Variants in ARAP1 observed in about 807,000 individuals in gnomAD.
ARAP1 encodes ArfGAP with RhoGAP domain, ankyrin repeat and PH domain 1, also known as arf-GAP with Rho-GAP domain, ANK repeat and PH domain-containing protein 1.
A neutral mutation model predicts 172.2 loss-of-function variants in ARAP1; 76 were observed. That is an observed-to-expected ratio of 0.44 (90% CI 0.37 to 0.53). ARAP1 has a LOEUF of 0.53. Among genes scored for constraint, ARAP1 ranks in the 20% least tolerant of loss-of-function variants. The probability of loss-of-function intolerance (pLI) is 0.00; values close to 1 mark genes in which losing one functional copy is unlikely to be tolerated. For missense variants in ARAP1, 1,686 were observed against 1,977.5 expected (o/e 0.85, Z 2.80); for synonymous variants, 804 against 803.3 (o/e 1.00, Z -0.01).
intron 3 of ARAP1, among the ~76,000 whole-genome samples, chr11:72,721,536 G>A (rs1030727191): frequency 6.6e-6 from 1 of 152,306 alleles, no homozygotes; most frequent in East Asian, 1.9e-4. Context: ...CTGTGGGGCA[G>A]AGTCTGAGAA....
chr11:72,745,172 A>G (rs184064685), intron 1 of ARAP1, among the ~76,000 whole-genome samples: 37 of 146,934 alleles, frequency 2.5e-4, no homozygotes, highest in Admixed American at 1.9e-3. Context: ...ACAGCAGCCC[A>G]AGTTTCTTTC....
At chr11:72,746,423 C>T (rs938641537) in intron 1 of ARAP1, among the ~76,000 whole-genome samples, 1 of 152,244 alleles carries the variant, frequency 6.6e-6, no homozygotes, top group Non-Finnish European at 1.5e-5. Context: ...CAGCCGTCTG[C>T]ACCAACCAGG....
chr11:72,738,148 G>C (rs1858089306), intron 1 of ARAP1, among the ~76,000 whole-genome samples: 1 of 152,184 alleles, frequency 6.6e-6, no homozygotes, highest in Admixed American at 6.5e-5. Context: ...GCCATTCCAG[G>C]CAAAGGGGAC....
chr11:72,745,566 G>T (rs1858340043), intron 1 of ARAP1, among the ~76,000 whole-genome samples: 1 of 151,904 alleles, frequency 6.6e-6, no homozygotes, highest in Admixed American at 6.6e-5. Flanking sequence ...AAGGGGTGCA[G>T]AACTGGGCCC....
intron 1 of ARAP1, among the ~76,000 whole-genome samples, chr11:72,734,510 AT>A (rs1857954373): frequency 6.6e-6 from 1 of 152,216 alleles, no homozygotes; most frequent in Non-Finnish European, 1.5e-5. Flanking sequence ...TCAAACGACA[AT>A]TTGAAACAAG....
chr11:72,705,812 A>T lies in ARAP1; in HGVS notation c.1802T>A (p.Leu601His). The T allele has an allele frequency of 6.2e-7, 1 of 1,614,042 alleles. No individual in the cohort carries two copies. Among genetic ancestry groups the T allele is most frequent in the Non-Finnish European group, 8.5e-7 (1 of 1,179,964 alleles). ...KMDRKVWTETLIELFLQLGNG... is the reference protein window; with the variant it reads ...KMDRKVWTETHIELFLQLGNG... ...AAGCAGGGGCATCCCCACCTCGATA[A>T]GTGTTTCTGTCCACACCTTCCTGTC... Residue 601 changes from leucine (L) to histidine (H), a missense_variant, in exon 13 of 35, where the codon CTT (leucine) becomes CAT (histidine). Around this residue, in one of 5 missense-constraint regions of ARAP1, gnomAD observed 688 missense variants for 856.9 expected, o/e 0.80. Coordinates refer to ENST00000393609, the MANE Select transcript of ARAP1 (RefSeq NM_001040118.3).
In ARAP1 at chr11:72,693,977, T is replaced by C. The variant is rs1856055038; in HGVS notation, c.3695-172A>G. ...CCCTTCCCATGACCAAGCTTCAGGC[T>C]TGACACACCTGGCTGTGACCAAAGC... On this transcript the variant is annotated intron_variant, in intron 27 of 34. Transcript: ENST00000393609. This position sits in a 1 kb window ranked among gnomAD's most constrained non-coding sequence, Gnocchi z 4.6. Among the ~76,000 whole-genome samples, 1 of 152,076 alleles carries C rather than the reference T, an allele frequency of 6.6e-6. No homozygotes were observed. The highest frequency in any genetic ancestry group is 2.4e-5 in the African/African-American group (1 of 41,390).
chr11:72,686,076 C>A lies in ARAP1; in HGVS notation c.4301G>T (p.Arg1434Leu). The A allele has an allele frequency of 6.2e-7, 1 of 1,614,108 alleles. No individual in the cohort carries two copies. Among genetic ancestry groups the A allele is most frequent in the Non-Finnish European group, 8.5e-7 (1 of 1,180,032 alleles). Reference protein sequence around the residue: ...PLRGSENEMRRSVAAFTADPL... With the variant: ...PLRGSENEMRLSVAAFTADPL... ...GTCCGCGGTGAAGGCAGCCACACTC[C>A]GGCGCATTTCATTTTCACTACCTCG... is the stretch of plus-strand genomic sequence containing the variant. The change falls in exon 34 of 35, where the codon CGG (arginine) becomes CTG (leucine). Residue 1434 changes from arginine to leucine, a missense_variant. Physicochemically the swap from Arg to Leu is moderately radical, Grantham distance 102. Transcript: ENST00000393609.
intron 5 of ARAP1, chr11:72,712,775 G>C: frequency 1.3e-6 from 1 of 741,502 alleles, no homozygotes. Flanking sequence ...GGCAGAAACC[G>C]ACCTAGGACA....
chr11:72,747,740 C>G (rs1007940125), intron 1 of ARAP1, among the ~76,000 whole-genome samples: 1 of 152,174 alleles, frequency 6.6e-6, no homozygotes. Context: ...TAGCAGAAAC[C>G]AAACCTCCAC....
rs1856165639 is a variant in ARAP1 at position 72,695,869 on chromosome 11, G to A, written c.3273-4C>T. The A allele has an allele frequency of 6.2e-7, 1 of 1,608,990 alleles. No homozygotes were observed. The highest frequency in any genetic ancestry group is 1.7e-5 in the Admixed American group (1 of 59,678). Reference sequence around the variant, plus strand: ...CGTGTCTGAGAAGCACTGAACACTGGAGAGGGGAGGAGGAGGGCTTTGAGT... The same window carrying A: ...CGTGTCTGAGAAGCACTGAACACTGAAGAGGGGAGGAGGAGGGCTTTGAGT... On this transcript the variant is annotated splice_region_variant and splice_polypyrimidine_tract_variant and intron_variant, in intron 23 of 34. Coordinates refer to ENST00000393609, the MANE Select transcript of ARAP1 (RefSeq NM_001040118.3). The surrounding 1 kb of genome is among the most constrained non-coding windows in gnomAD (Gnocchi z 4.4).
Position 72,726,816 on chromosome 11 carries a change from T to A in ARAP1, c.313A>T (p.Thr105Ser). ...GCGGGGAGCCCCTCATCCTCTGTAG[T>A]GGTGGGCAGCGGCTCGGGTGGAGTG... is the stretch of plus-strand genomic sequence containing the variant. The part of the protein sequence containing the change: ...PATPPEPLPT[T>S]TEDEGLPAAP... The change falls in exon 3 of 35, where the codon ACT becomes TCT. Residue 105 changes from threonine (T) to serine (S), a missense_variant. Physicochemically the swap from Thr to Ser is moderately conservative, Grantham distance 58. This residue lies in a region of ARAP1 where 190 missense variants were observed against 228.6 expected (regional missense o/e 0.83). Transcript: ENST00000393609. The surrounding 1 kb of genome is among the most constrained non-coding windows in gnomAD (Gnocchi z 6.5). 1.3e-6 allele frequency: 2 copies of A among 1,560,626 alleles called. No individual in the cohort carries two copies. Among genetic ancestry groups the A allele is most frequent in the Non-Finnish European group, 1.7e-6 (2 of 1,153,344 alleles).
intron 22 of ARAP1, 117 bp downstream of exon 22, chr11:72,696,866 G>A: frequency 8.6e-7 from 1 of 1,162,108 alleles, no homozygotes; most frequent in Non-Finnish European, 1.2e-6. Flanking sequence ...AGCAGAGGCA[G>A]GCAACTGGAG....
In ARAP1 at chr11:72,685,608, T is replaced by A. The variant is rs36094095; in HGVS notation, c.*56A>T. 0.016 allele frequency: 26,424 copies of A among 1,613,434 alleles called. 250 individuals are homozygous for A. The highest frequency in any genetic ancestry group is 0.029 in the Middle Eastern group (173 of 6,062). On this transcript the variant is annotated 3_prime_UTR_variant, in exon 35 of 35. Coordinates refer to ENST00000393609, the MANE Select transcript of ARAP1 (RefSeq NM_001040118.3). ...ATCAGGCCTTGGAGCATAAGGGGTGTCTGAACAGAAGGCTTCCAGCGGCGG... is the reference window on the plus strand; with the variant it reads ...ATCAGGCCTTGGAGCATAAGGGGTGACTGAACAGAAGGCTTCCAGCGGCGG...
chr11:72,696,162 G>A (rs764286946), intron 23 of ARAP1, among the ~76,000 whole-genome samples: 3 of 152,002 alleles, frequency 2.0e-5, no homozygotes, highest in East Asian at 3.9e-4. Flanking sequence ...GGACAGGGTC[G>A]GGGGGCAGGG....
In ARAP1 at chr11:72,726,604, G is replaced by C; in HGVS notation, c.509+16C>G. On this transcript the variant is annotated intron_variant, in intron 3 of 34. Coordinates refer to ENST00000393609, the MANE Select transcript of ARAP1 (RefSeq NM_001040118.3). The surrounding 1 kb of genome is among the most constrained non-coding windows in gnomAD (Gnocchi z 6.5). ...CTCTGCCTGTGCGCCTCCCACCCTG[G>C]GTGGCATCCACTCACCTCACCAGCA... 1 of 1,484,274 alleles carries C rather than the reference G, an allele frequency of 6.7e-7. No individual in the cohort carries two copies. Among genetic ancestry groups the C allele is most frequent in the Non-Finnish European group, 9.0e-7 (1 of 1,115,982 alleles). 91.9% of individuals were successfully genotyped at this position (1,484,274 alleles called of 1,614,324 possible). A position where few individuals can be genotyped will look rare whatever the true frequency, so the allele number is the denominator to read the frequency against.
chr11:72,710,591 C>A lies in ARAP1; in HGVS notation c.1214-4G>T. On this transcript the variant is annotated splice_region_variant and splice_polypyrimidine_tract_variant and intron_variant, in intron 9 of 34. Transcript: ENST00000393609. This position sits in a 1 kb window ranked among gnomAD's most constrained non-coding sequence, Gnocchi z 4.3. ...TGCATCCACTCCTTCCGCTCCACTG[C>A]AGGAGAAGGGTAGAGGAGTAAGCCC... 6.2e-6 allele frequency: 10 copies of A among 1,603,134 alleles called. No homozygotes were observed. Among genetic ancestry groups the A allele is most frequent in the Non-Finnish European group, 8.5e-6 (10 of 1,178,306 alleles).
chr11:72,716,096 C>T (rs1857257697), intron 3 of ARAP1, among the ~76,000 whole-genome samples: 1 of 149,380 alleles, frequency 6.7e-6, no homozygotes, highest in South Asian at 2.1e-4. Flanking sequence ...CAGCATGAAC[C>T]CGGGAGGTGG....
Position 72,712,381 on chromosome 11 carries a change from A to G in ARAP1, c.879-42T>C, listed in dbSNP as rs56249354. The G allele has an allele frequency of 5.9e-3, 9,120 of 1,540,114 alleles. 491 individuals carry two copies. In the African/African-American group the frequency reaches 0.11, roughly 19 times the overall value. On this transcript the variant is annotated intron_variant, in intron 6 of 34. Transcript: ENST00000393609. ...GGATGGGGGGCCGGGCTGAGGAGGC[A>G]AGGAGGGGGCGGGCTGAGGTTGGGC...
Sources: allele counts gnomAD v4.1 joint callset (sites outside exome capture counted in the v4.1 genomes callset), GRCh38; gene constraint gnomAD v4.1.1; regional missense constraint gnomAD v4.1.1; non-coding constraint Gnocchi (gnomAD v3.1); transcripts MANE v1.5; gene names NCBI Gene and HGNC (gene_info 2026-07-23, HGNC 2026-07-21).